Variants in DMAC2L observed in about 807,000 individuals in gnomAD.
DMAC2L encodes the protein ATP synthase subunit s, mitochondrial.
A neutral mutation model predicts 22.5 loss-of-function variants in DMAC2L; 21 were observed. The ratio of observed to expected loss-of-function variants is 0.93; its 90% CI spans 0.66 to 1.34. The LOEUF is 1.34. DMAC2L is among the 40% of genes most tolerant of loss of function. DMAC2L has a pLI of 0.00. For synonymous variants in DMAC2L, 86 were observed against 89.5 expected, an observed-to-expected ratio of 0.96 and a Z score of 0.22; for missense variants, 239 against 246.5, an observed-to-expected ratio of 0.97 and a Z score of 0.20.
chr14:50,312,109 C>T, upstream of DMAC2L: 1 of 1,609,222 alleles, frequency 6.2e-7, no homozygotes, highest in Non-Finnish European at 8.5e-7. Context: ...GCCCGCGGGC[C>T]CGTCCGCAGG....
Position 50,323,855 on chromosome 14 carries a change from G to A in DMAC2L, c.317-90G>A, listed in dbSNP as rs561374262. 5 of 1,116,244 alleles carry A rather than the reference G, an allele frequency of 4.5e-6. No homozygotes were observed. In the East Asian group the frequency reaches 9.6e-5, roughly 21 times the overall value. The allele number at this position is 1,116,244 out of a possible 1,614,324, so 69.1% of individuals were successfully genotyped here. On this transcript the variant is annotated intron_variant, in intron 4 of 5. Coordinates refer to ENST00000557421, the MANE Select transcript of DMAC2L (RefSeq NM_001382507.1). ...GGTTTCCCAGGACATAGGACTTTCA[G>A]TCCTAAAACCAAGTCAGTCGTGGGC...
rs566558565 is a variant in DMAC2L at position 50,316,232 on chromosome 14, T to G, written c.-6+1606T>G. ...TCTTTTGAGAATTGTCTTCATGTCC[T>G]TAGCCCACTTTTTGATGGGATTGTT... On this transcript the variant is annotated intron_variant, in intron 2 of 5. Coordinates refer to ENST00000557421, the MANE Select transcript of DMAC2L (RefSeq NM_001382507.1). Among the ~76,000 whole-genome samples the G allele has an allele frequency of 6.6e-5, 10 of 152,312 alleles. No individual in the cohort carries two copies. The South Asian group carries it at 2.1e-3, about 32-fold the overall frequency.
At chr14:50,312,275 A>T, upstream of DMAC2L, 5 of 1,404,266 alleles carry the variant, frequency 3.6e-6, no homozygotes, top group South Asian at 2.5e-5. Context: ...CCTTCGCCCC[A>T]TGTGGGAGAG....
intron 2 of DMAC2L, among the ~76,000 whole-genome samples, chr14:50,320,807 A>T (rs1422955584): frequency 6.6e-6 from 1 of 152,214 alleles, no homozygotes; most frequent in Admixed American, 6.5e-5. Context: ...ACTACTAGGG[A>T]AACTTGAATT....
At chr14:50,314,695 G>A (rs993192200) in intron 2 of DMAC2L, 69 bp downstream of exon 2, 1 of 451,018 alleles carries the variant, frequency 2.2e-6, no homozygotes, top group Non-Finnish European at 4.4e-6. Context: ...AGGCTGGAGT[G>A]CAGTGGTGCA....
At chr14:50,316,532 A>G (rs761603059) in intron 2 of DMAC2L, among the ~76,000 whole-genome samples, 4 of 152,216 alleles carry the variant, frequency 2.6e-5, no homozygotes, top group Non-Finnish European at 5.9e-5. Flanking sequence ...TTCAGGTCTT[A>G]GATGTAAGTC....
intron 2 of DMAC2L, among the ~76,000 whole-genome samples, chr14:50,320,485 G>C (rs1400809411): frequency 2.0e-5 from 3 of 152,086 alleles, no homozygotes; most frequent in African/African-American, 7.2e-5. Context: ...CAAGTTGCCT[G>C]CCTCTTCTCA....
In DMAC2L at chr14:50,321,508, T is replaced by C; in HGVS notation, c.21T>C (p.Ile7=). 5.6e-6 allele frequency: 9 copies of C among 1,614,062 alleles called. No individual in the cohort carries two copies. The highest frequency in any genetic ancestry group is 4.2e-6 in the Non-Finnish European group (5 of 1,179,950). MMPFGK[I]SQQLCGVKKL... ...ATCAAATGATGCCGTTTGGAAAAATTTCCCAGCAGTTGTGTGGCGTAAAGA... is the reference window on the plus strand; with the variant it reads ...ATCAAATGATGCCGTTTGGAAAAATCTCCCAGCAGTTGTGTGGCGTAAAGA... The change falls in exon 3 of 6, where the codon ATT becomes ATC. Residue 7 remains isoleucine, a synonymous_variant. Coordinates refer to ENST00000557421, the MANE Select transcript of DMAC2L (RefSeq NM_001382507.1).
chr14:50,312,707 A>AT (rs2031354614), intron 1 of DMAC2L: 2 of 297,644 alleles, frequency 6.7e-6, no homozygotes, highest in Non-Finnish European at 1.3e-5. Flanking sequence ...GGGCCTGGGC[A>AT]CCCACCGTCT....
chr14:50,319,440 A>G, intron 2 of DMAC2L: 2 of 1,334,096 alleles, frequency 1.5e-6, no homozygotes, highest in Non-Finnish European at 2.0e-6. Context: ...AGAACCATGT[A>G]ATGATTGAGG....
intron 1 of DMAC2L, chr14:50,312,737 G>A (rs1354159614): frequency 2.6e-6 from 1 of 391,010 alleles, no homozygotes; most frequent in Non-Finnish European, 4.6e-6. Context: ...CCCCAGCCCA[G>A]TCGAGCGTCC....
intron 1 of DMAC2L, chr14:50,312,955 C>G: frequency 1.2e-6 from 2 of 1,602,966 alleles, no homozygotes; most frequent in Admixed American, 1.7e-5. Context: ...CCAGACAGCT[C>G]GGTTTTTGCC....
chr14:50,318,338 T>G (rs1251856215), intron 2 of DMAC2L, among the ~76,000 whole-genome samples: 1 of 152,240 alleles, frequency 6.6e-6, no homozygotes, highest in Non-Finnish European at 1.5e-5. Context: ...TTACCTCTAT[T>G]GCCAAATATA....
intron 2 of DMAC2L, among the ~76,000 whole-genome samples, chr14:50,315,344 C>A (rs1239113476): frequency 1.3e-5 from 2 of 151,896 alleles, no homozygotes; most frequent in African/African-American, 4.8e-5. Context: ...GTTTGGTTTT[C>A]CATTCCTGAG....
chr14:50,312,397 G>C lies in DMAC2L; in HGVS notation c.-42+8G>C. 1 of 571,272 alleles carries C rather than the reference G, an allele frequency of 1.8e-6. No individual in the cohort carries two copies. Among genetic ancestry groups the C allele is most frequent in the South Asian group, 2.0e-5 (1 of 50,266 alleles). The allele number at this position is 571,272 out of a possible 1,614,324, so 35.4% of individuals were successfully genotyped here. ...CTCCCTCCCTCCGACGCTGTGAGTA[G>C]AGAAGCTAGGCCCCGAGCCGGGCGG... On this transcript the variant is annotated splice_region_variant and intron_variant, in intron 1 of 5. Transcript: ENST00000557421.
intron 1 of DMAC2L, chr14:50,313,160 T>C (rs1288902296): frequency 1.0e-6 from 1 of 989,924 alleles, no homozygotes; most frequent in African/African-American, 1.6e-5. Flanking sequence ...GTGCCGGTGT[T>C]GCTAACACTC....
chr14:50,324,072 TG>T lies in DMAC2L; in HGVS notation c.447del (p.Asn150IlefsTer13). On this transcript the variant is annotated frameshift_variant, in exon 5 of 6. Coordinates refer to ENST00000557421, the MANE Select transcript of DMAC2L (RefSeq NM_001382507.1). LOFTEE classifies it high-confidence loss of function. ...TATTGGAAATGGAAATAATATCCTG[TG>T]GGAATATCACAGACAAAGGCATCAT... ...TILEMEIISCGNITDKGIIAL... is the reference protein window; with the variant it reads ...TILEMEIISCXNITDKGIIAL... The T allele has an allele frequency of 6.2e-7, 1 of 1,613,860 alleles. No individual in the cohort carries two copies. Among genetic ancestry groups the T allele is most frequent in the Non-Finnish European group, 8.5e-7 (1 of 1,179,892 alleles).
At position 50,312,362 on chromosome 14, in the gene DMAC2L, C is replaced by T. The variant is rs1247073614; in HGVS notation, c.-69C>T. 9.3e-6 allele frequency: 6 copies of T among 645,508 alleles called. No homozygotes were observed. The highest frequency in any genetic ancestry group is 2.9e-5 in the Admixed American group (1 of 35,064). The allele number at this position is 645,508 out of a possible 1,614,324, so 40.0% of individuals were successfully genotyped here. ...TGCCGCAGACGCGGGGACGCTGGCT[C>T]GCTCCCTCCCTCCCTCCCTCCGACG... On this transcript the variant is annotated 5_prime_UTR_variant, in exon 1 of 6. Coordinates refer to ENST00000557421, the MANE Select transcript of DMAC2L (RefSeq NM_001382507.1).
intron 1 of DMAC2L, 53 bp downstream of exon 1, chr14:50,312,442 T>C: frequency 5.9e-6 from 3 of 507,536 alleles, no homozygotes; most frequent in Non-Finnish European, 1.1e-5. Flanking sequence ...GGTGGTTGTG[T>C]TCTGCCCTCG....
Sources: gnomAD v4.1 joint callset for allele counts (sites outside exome capture counted in the v4.1 genomes callset) on GRCh38, gnomAD v4.1.1 for gene constraint, MANE v1.5 for transcripts, NCBI Gene and HGNC (gene_info 2026-07-23, HGNC 2026-07-21) for gene names.